Variants in FBXW11 observed in about 807,000 individuals in gnomAD.
The protein encoded by FBXW11 is F-box and WD repeat domain containing 11.
In FBXW11, 19 loss-of-function variants were observed where a neutral mutation model predicts 77.6. The observed-to-expected ratio is 0.24, with a 90% CI of 0.17 to 0.36. The LOEUF is 0.36. FBXW11 is among the 10% of genes least tolerant of loss of function. The probability of loss-of-function intolerance (pLI) is 1.00; values close to 1 mark genes in which losing one functional copy is unlikely to be tolerated. For synonymous variants in FBXW11, 235 were observed against 249.4 expected, an observed-to-expected ratio of 0.94 and a Z score of 0.54; for missense variants, 334 against 704.2, an observed-to-expected ratio of 0.47 and a Z score of 5.95.
intron 2 of FBXW11, among the ~76,000 whole-genome samples, chr5:171,933,323 G>A (rs1762314365): frequency 6.6e-6 from 1 of 152,050 alleles, no homozygotes; most frequent in South Asian, 2.1e-4. Context: ...CAAAACTATG[G>A]AGACATTAAA....
At chr5:171,917,499 G>A (rs892910335) in intron 2 of FBXW11, among the ~76,000 whole-genome samples, 2 of 152,256 alleles carry the variant, frequency 1.3e-5, no homozygotes, top group East Asian at 3.9e-4. Context: ...GCTTCATAAA[G>A]AAGGCTAGAC....
Position 171,869,064 on chromosome 5 carries a change from A to G in FBXW11, c.1531-268T>C, listed in dbSNP as rs1380009820. Among the ~76,000 whole-genome samples the G allele has an allele frequency of 6.6e-6, 1 of 152,218 alleles. No individual in the cohort carries two copies. The highest frequency in any genetic ancestry group is 2.4e-5 in the African/African-American group (1 of 41,440). On this transcript the variant is annotated intron_variant, in intron 12 of 13. Transcript: ENST00000517395. This position sits in a 1 kb window ranked among gnomAD's most constrained non-coding sequence, Gnocchi z 4.1. ...ATCTCAAAAAGGGCCTTATAAAAGT[A>G]AACAACAATACATAATACCCATTCT...
intron 1 of FBXW11, among the ~76,000 whole-genome samples, chr5:171,992,284 C>T (rs538570566): frequency 2.0e-5 from 3 of 150,772 alleles, no homozygotes; most frequent in African/African-American, 4.9e-5. Flanking sequence ...AAAAATTAGC[C>T]GGGTGGGTTG....
chr5:171,902,261 T>A (rs1172344432), intron 4 of FBXW11, among the ~76,000 whole-genome samples: 2 of 152,246 alleles, frequency 1.3e-5, no homozygotes, highest in Non-Finnish European at 2.9e-5. Flanking sequence ...AGGGTATGGC[T>A]GCTTTCATGT....
chr5:171,954,079 A>G (rs1169710953), intron 2 of FBXW11, among the ~76,000 whole-genome samples: 3 of 152,190 alleles, frequency 2.0e-5, no homozygotes, highest in Non-Finnish European at 2.9e-5. Flanking sequence ...CTTATCACTA[A>G]CACTCTCCCC....
rs994274813 is a variant in FBXW11, at chr5:171,876,657, C to T, written c.972-123G>A. Reference sequence around the variant, plus strand: ...TAGTTTGTCTGACTCTACCAAATCTCATGTTGAAATTGATCCTCAATGTTG... The same window carrying T: ...TAGTTTGTCTGACTCTACCAAATCTTATGTTGAAATTGATCCTCAATGTTG... On this transcript the variant is annotated intron_variant, in intron 8 of 13. Coordinates refer to ENST00000517395, the MANE Select transcript of FBXW11 (RefSeq NM_001378974.1). This position sits in a 1 kb window ranked among gnomAD's most constrained non-coding sequence, Gnocchi z 4.2. The T allele has an allele frequency of 2.0e-5, 26 of 1,279,236 alleles. No individual in the cohort carries two copies. In the Admixed American group the frequency reaches 3.7e-4, roughly 18 times the overall value. The allele number at this position is 1,279,236 out of a possible 1,614,324, so 79.2% of individuals were successfully genotyped here. A position where few individuals can be genotyped will look rare whatever the true frequency, so the allele number is the denominator to read the frequency against.
At chr5:171,971,428 T>A (rs541266742) in intron 1 of FBXW11, among the ~76,000 whole-genome samples, 3 of 152,304 alleles carry the variant, frequency 2.0e-5, no homozygotes, top group Non-Finnish European at 4.4e-5. Context: ...CCTTTTTCCA[T>A]GCGTTGTATG....
At chr5:171,935,805 T>C (rs1762444998) in intron 2 of FBXW11, among the ~76,000 whole-genome samples, 1 of 152,122 alleles carries the variant, frequency 6.6e-6, no homozygotes, top group Non-Finnish European at 1.5e-5. Context: ...AAAACAATTA[T>C]GGCTCTAAGA....
At chr5:171,943,249 T>C (rs960220088) in intron 2 of FBXW11, among the ~76,000 whole-genome samples, 18 of 152,206 alleles carry the variant, frequency 1.2e-4, no homozygotes, top group African/African-American at 3.9e-4. Flanking sequence ...TGGGACATAG[T>C]AGGACTCAGA....
intron 2 of FBXW11, among the ~76,000 whole-genome samples, chr5:171,920,357 A>C (rs1192862772): frequency 1.3e-5 from 2 of 151,120 alleles, no homozygotes; most frequent in Admixed American, 6.6e-5. Flanking sequence ...ATGCCAACTG[A>C]TCACAGATAT....
chr5:171,913,810 CACACACATACA>C (rs1761039765), intron 3 of FBXW11, among the ~76,000 whole-genome samples: 1 of 133,324 alleles, frequency 7.5e-6, no homozygotes, highest in Non-Finnish European at 1.7e-5. Flanking sequence ...CCCCCAACCA[CACACACATACA>C]CACACACACA....
In FBXW11 at chr5:171,893,421, CAAAAAAA is replaced by C. The variant is rs397999920; in HGVS notation, c.715-1824_715-1818del. ...GACATACAAAAGCACACTTCAAAAC[CAAAAAAA>C]AAAAAAAAAAAAAAAAAAACTAACC... On this transcript the variant is annotated intron_variant, in intron 6 of 13. Coordinates refer to ENST00000517395, the MANE Select transcript of FBXW11 (RefSeq NM_001378974.1). Among the ~76,000 whole-genome samples, 91 of 39,850 alleles carry C rather than the reference CAAAAAAA, an allele frequency of 2.3e-3. 1 individual carries two copies. The East Asian group carries it at 0.03, about 13-fold the overall frequency. The allele number at this position is 39,850 out of a possible 152,430, so 26.1% of individuals were successfully genotyped here. A position where few individuals can be genotyped will look rare whatever the true frequency, so the allele number is the denominator to read the frequency against.
At chr5:171,942,915 C>T (rs186566879) in intron 2 of FBXW11, among the ~76,000 whole-genome samples, 7 of 152,152 alleles carry the variant, frequency 4.6e-5, no homozygotes, top group East Asian at 3.9e-4. Context: ...CTACCAGATG[C>T]CCTGGGCAAT....
chr5:171,950,070 CATT>C (rs1763223339), intron 2 of FBXW11, among the ~76,000 whole-genome samples: 1 of 152,094 alleles, frequency 6.6e-6, no homozygotes, highest in Non-Finnish European at 1.5e-5. Flanking sequence ...TTCTTAAAAT[CATT>C]AATATATTTA....
At chr5:171,911,382 C>T (rs537067369) in intron 3 of FBXW11, among the ~76,000 whole-genome samples, 33 of 152,304 alleles carry the variant, frequency 2.2e-4, no homozygotes, top group African/African-American at 7.5e-4. Flanking sequence ...CTATTTCTAA[C>T]AAGTTTCCCA....
At chr5:171,910,222 C>T (rs548257170) in intron 4 of FBXW11, among the ~76,000 whole-genome samples, 8 of 151,860 alleles carry the variant, frequency 5.3e-5, no homozygotes, top group African/African-American at 1.9e-4. Flanking sequence ...TCTGCCACCA[C>T]CCCCGGCTAA....
At chr5:171,921,908 T>C (rs1235194855) in intron 2 of FBXW11, among the ~76,000 whole-genome samples, 1 of 151,996 alleles carries the variant, frequency 6.6e-6, no homozygotes, top group Non-Finnish European at 1.5e-5. Context: ...CCAACTAATT[T>C]TTTAAAATTT....
intron 2 of FBXW11, among the ~76,000 whole-genome samples, chr5:171,937,289 G>C (rs938331295): frequency 6.6e-6 from 1 of 152,108 alleles, no homozygotes; most frequent in Admixed American, 6.5e-5. Flanking sequence ...AGTCCTACCA[G>C]ACATCAAAAT....
At chr5:171,930,734 AAAAAAT>A (rs1762129535) in intron 2 of FBXW11, among the ~76,000 whole-genome samples, 2 of 107,530 alleles carry the variant, frequency 1.9e-5, no homozygotes, top group East Asian at 2.7e-4. Flanking sequence ...AAAAATAAAT[AAAAAAT>A]AAAAAATAAA....
Sources: gnomAD v4.1 joint callset for allele counts (sites outside exome capture counted in the v4.1 genomes callset) on GRCh38, gnomAD v4.1.1 for gene constraint, Gnocchi (gnomAD v3.1) non-coding constraint, MANE v1.5 for transcripts, NCBI Gene and HGNC (gene_info 2026-07-23, HGNC 2026-07-21) for gene names.